Variants in DLGAP4 observed in about 807,000 individuals in gnomAD.
DLGAP4 encodes disks large-associated protein 4.
A neutral mutation model predicts 86.9 loss-of-function variants in DLGAP4; 18 were observed. The ratio of observed to expected loss-of-function variants is 0.21; its 90% CI spans 0.14 to 0.31. DLGAP4 has a LOEUF of 0.31. DLGAP4 is among the 10% of genes least tolerant of loss of function. The pLI, the probability that DLGAP4 is intolerant of heterozygous loss-of-function variation, is 1.00. For synonymous variants in DLGAP4, 548 were observed against 574.3 expected, an observed-to-expected ratio of 0.95 and a Z score of 0.65; for missense variants, 1,085 against 1,362.6, an observed-to-expected ratio of 0.80 and a Z score of 3.21.
intron 1 of DLGAP4, among the ~76,000 whole-genome samples, chr20:36,345,228 CATCTTCAGA>C (rs1555892815): frequency 6.6e-6 from 1 of 152,220 alleles, no homozygotes; most frequent in Non-Finnish European, 1.5e-5. Flanking sequence ...GCAAAGGGAC[CATCTTCAGA>C]GAGGTGCCCC....
At chr20:36,356,457 A>T (rs565131621) in intron 1 of DLGAP4, among the ~76,000 whole-genome samples, 15 of 152,234 alleles carry the variant, frequency 9.9e-5, no homozygotes, top group African/African-American at 3.6e-4. Context: ...GATTACAGGT[A>T]GCTGCCACTA....
chr20:36,362,745 A>T (rs1555894304), intron 1 of DLGAP4, among the ~76,000 whole-genome samples: 1 of 152,214 alleles, frequency 6.6e-6, no homozygotes, highest in Non-Finnish European at 1.5e-5. Flanking sequence ...AGGATAAATT[A>T]TGCAATTACG....
chr20:36,508,609 G>T (rs1381266883), intron 10 of DLGAP4, among the ~76,000 whole-genome samples: 1 of 152,096 alleles, frequency 6.6e-6, no homozygotes, highest in Non-Finnish European at 1.5e-5. Flanking sequence ...TGTATTTTTA[G>T]TAGAGATGAG....
intron 1 of DLGAP4, among the ~76,000 whole-genome samples, chr20:36,307,328 G>T (rs782497961): frequency 1.3e-5 from 2 of 152,204 alleles, no homozygotes; most frequent in Non-Finnish European, 2.9e-5. Context: ...GGGCCTGCTG[G>T]AAGGGGACAG....
Position 36,524,309 on chromosome 20 carries a change from C to T in DLGAP4, c.2572C>T (p.Gln858Ter). 6.2e-7 allele frequency: 1 copy of T among 1,614,016 alleles called. No individual in the cohort carries two copies. Among genetic ancestry groups the T allele is most frequent in the Non-Finnish European group, 8.5e-7 (1 of 1,179,974 alleles). Reference sequence around the variant, plus strand: ...CCAGCTACTGATGTCCCAGAAATTCCAGCAGTTCCGGGGCCTCTGTGAGCA... The same window carrying T: ...CCAGCTACTGATGTCCCAGAAATTCTAGCAGTTCCGGGGCCTCTGTGAGCA... ...SAQLLMSQKF[Q>*]QFRGLCEQNL... The change falls in exon 11 of 13, where the codon CAG becomes TAG. Residue 858 changes from glutamine (Q) to a stop codon, truncating the protein, a stop_gained. Transcript: ENST00000339266. LOFTEE classifies it high-confidence loss of function.
chr20:36,490,780 C>T (rs961114218), intron 7 of DLGAP4, among the ~76,000 whole-genome samples: 2 of 152,216 alleles, frequency 1.3e-5, no homozygotes, highest in African/African-American at 2.4e-5. Context: ...GCCTCCAAGA[C>T]ACATGCAGGG....
chr20:36,408,374 C>G (rs2032387766), intron 2 of DLGAP4, among the ~76,000 whole-genome samples: 1 of 152,012 alleles, frequency 6.6e-6, no homozygotes. Flanking sequence ...GTTATCTGCA[C>G]CCGAGGACTA....
At chr20:36,508,422 C>CTTTTTTTTTTTTTTTTTTTTTTTTTGTTT (rs745815364) in intron 10 of DLGAP4, 1 of 94,472 alleles carries the variant, frequency 1.1e-5, no homozygotes, top group Non-Finnish European at 2.0e-5. Flanking sequence ...TTTCAGGGTT[C>CTTTTTTTTTTTTTTTTTTTTTTTTTGTTT]TTTTTTTTTT....
chr20:36,338,573 A>AAAAC (rs563482183), intron 1 of DLGAP4, among the ~76,000 whole-genome samples: 24 of 152,280 alleles, frequency 1.6e-4, no homozygotes, highest in South Asian at 1.5e-3. Flanking sequence ...ACTCCATCTC[A>AAAAC]AAACAAACAA....
chr20:36,309,888 C>T (rs2065037353), intron 1 of DLGAP4, among the ~76,000 whole-genome samples: 1 of 152,222 alleles, frequency 6.6e-6, no homozygotes, highest in Non-Finnish European at 1.5e-5. Flanking sequence ...ACTCTGTAAA[C>T]TGTAGCCATC....
chr20:36,494,989 T>TTG (rs1227426623), intron 7 of DLGAP4, among the ~76,000 whole-genome samples: 14 of 134,078 alleles, frequency 1.0e-4, no homozygotes, highest in Admixed American at 6.7e-4. Flanking sequence ...GTTCGGTTTT[T>TTG]TTTTTTTTTT....
At chr20:36,413,934 A>C (rs1466778317) in intron 2 of DLGAP4, among the ~76,000 whole-genome samples, 1 of 152,158 alleles carries the variant, frequency 6.6e-6, no homozygotes, top group African/African-American at 2.4e-5. Context: ...GCCAGCTGAC[A>C]TGCATAGGGT....
rs542090350 is a variant in DLGAP4 at position 36,353,217 on chromosome 20, C to T, written c.-303-13828C>T. Among the ~76,000 whole-genome samples, 3 of 152,308 alleles carry T rather than the reference C, an allele frequency of 2.0e-5. No individual in the cohort carries two copies. The East Asian group carries it at 5.8e-4, about 29-fold the overall frequency. On this transcript the variant is annotated intron_variant, in intron 1 of 12. Transcript: ENST00000339266. ...GGAGAAAGCTGGGCCTGCAGAGCGG[C>T]TTTCCTGGAGGGGTTTTAGACAGGG...
intron 8 of DLGAP4, chr20:36,499,365 ACCTGCCCGCCCG>A (rs757601521): frequency 1.8e-5 from 17 of 942,900 alleles, no homozygotes; most frequent in African/African-American, 7.8e-5. Context: ...CCTCCCGCCC[ACCTGCCCGCCCG>A]CCCGCCTGCC....
intron 7 of DLGAP4, among the ~76,000 whole-genome samples, chr20:36,463,731 G>C (rs1280802668): frequency 6.6e-6 from 1 of 152,214 alleles, no homozygotes; most frequent in Admixed American, 6.5e-5. Flanking sequence ...CTTTGTAGTT[G>C]TGAGCCTTGG....
chr20:36,516,553 C>A (rs1271326921), intron 10 of DLGAP4, among the ~76,000 whole-genome samples: 1 of 151,294 alleles, frequency 6.6e-6, no homozygotes, highest in Non-Finnish European at 1.5e-5. Context: ...GTAATCCCAG[C>A]TACTTGGAAG....
rs150072869 is a variant in DLGAP4 at position 36,401,620 on chromosome 20, C to T, written c.-72-30026C>T. 1.7e-3 allele frequency among the ~76,000 whole-genome samples: 260 copies of T among 152,340 alleles called. 1 individual carries two copies. The highest frequency in any genetic ancestry group is 5.9e-3 in the African/African-American group (244 of 41,574). ...CTCAGTAGCTGCTGGGTGCCAGCAT[C>T]GTGGTTAGCGTTGGGGACACAGCCT... On this transcript the variant is annotated intron_variant, in intron 2 of 12. Transcript: ENST00000339266.
At chr20:36,344,037 C>A (rs2065411459) in intron 1 of DLGAP4, among the ~76,000 whole-genome samples, 1 of 152,134 alleles carries the variant, frequency 6.6e-6, no homozygotes, top group Non-Finnish European at 1.5e-5. Context: ...CTAGCATAGA[C>A]CATCAGGAAA....
rs373737358 is a variant in DLGAP4, at chr20:36,475,205, T to A, written c.1649-21500T>A. ...AATGAATGTACTGCAAGTGAATATGTTTATATGTTTCTTCCTTTTTTTTTG... is the reference window on the plus strand; with the variant it reads ...AATGAATGTACTGCAAGTGAATATGATTATATGTTTCTTCCTTTTTTTTTG... On this transcript the variant is annotated intron_variant, in intron 7 of 12. Transcript: ENST00000339266. Among the ~76,000 whole-genome samples, 28 of 152,020 alleles carry A rather than the reference T, an allele frequency of 1.8e-4. No homozygotes were observed. The South Asian group carries it at 5.8e-3, about 32-fold the overall frequency.
Sources: allele counts gnomAD v4.1 joint callset (sites outside exome capture counted in the v4.1 genomes callset), GRCh38; gene constraint gnomAD v4.1.1; transcripts MANE v1.5; gene names NCBI Gene and HGNC (gene_info 2026-07-23, HGNC 2026-07-21).